PALM2AKAP2: variants seen among roughly 807,000 people sequenced by gnomAD.
PALM2AKAP2 encodes PALM2 and AKAP2 fusion, also known as PALM2-AKAP2 fusion protein.
PALM2AKAP2 carries 37 observed loss-of-function variants against 71.5 expected under a neutral mutation model. The ratio of observed to expected loss-of-function variants is 0.52; its 90% CI spans 0.40 to 0.68. The LOEUF is 0.68. PALM2AKAP2 is among the 30% of genes least tolerant of loss of function. The pLI is 0.00. For synonymous variants in PALM2AKAP2, 468 were observed against 478.8 expected, an observed-to-expected ratio of 0.98 and a Z score of 0.29; for missense variants, 1,224 against 1,191.8, an observed-to-expected ratio of 1.03 and a Z score of -0.40.
chr9:109,688,757 T>C lies in PALM2AKAP2; in HGVS notation c.5+47891T>C, dbSNP rs191523301. 3.4e-4 allele frequency among the ~76,000 whole-genome samples: 52 copies of C among 152,294 alleles called. No individual in the cohort carries two copies. In the East Asian group the frequency reaches 6.2e-3, roughly 18 times the overall value. On this transcript the variant is annotated intron_variant, in intron 1 of 6. Transcript: ENST00000374531. ...GAAAGTAGATGCTAACAAATAATTA[T>C]AGGTTGAATGAAAGGCAAATAAATG...
At chr9:109,958,915 C>A (rs989482020) in intron 6 of PALM2AKAP2, among the ~76,000 whole-genome samples, 1 of 152,190 alleles carries the variant, frequency 6.6e-6, no homozygotes, top group African/African-American at 2.4e-5. Context: ...GGGGGGAATA[C>A]CTGCCTGACC....
At chr9:109,795,661 G>A (rs896092308) in intron 1 of PALM2AKAP2, among the ~76,000 whole-genome samples, 1 of 152,170 alleles carries the variant, frequency 6.6e-6, no homozygotes, top group Non-Finnish European at 1.5e-5. Context: ...TCTTCCATGG[G>A]CAAGAGATGA....
At chr9:110,073,573 G>A (rs185445364) in intron 1 of PALM2AKAP2, among the ~76,000 whole-genome samples, 1 of 152,254 alleles carries the variant, frequency 6.6e-6, no homozygotes, top group East Asian at 1.9e-4. Flanking sequence ...CCAGCTCTGA[G>A]GATATATCTA....
chr9:109,758,312 A>G (rs1828997654), intron 1 of PALM2AKAP2, among the ~76,000 whole-genome samples: 1 of 152,082 alleles, frequency 6.6e-6, no homozygotes, highest in Admixed American at 6.6e-5. Flanking sequence ...ACAGTGAATA[A>G]TGTTGTTCTC....
chr9:109,736,820 T>C (rs1424452137), intron 1 of PALM2AKAP2, among the ~76,000 whole-genome samples: 1 of 152,160 alleles, frequency 6.6e-6, no homozygotes, highest in African/African-American at 2.4e-5. Flanking sequence ...TGTATTTGAC[T>C]GCCATTTTCT....
intron 1 of PALM2AKAP2, among the ~76,000 whole-genome samples, chr9:109,855,123 A>G (rs919490366): frequency 2.0e-5 from 3 of 151,256 alleles, no homozygotes; most frequent in Non-Finnish European, 4.4e-5. Context: ...CCCAGGCTGG[A>G]GTGCAGTGGC....
chr9:110,020,540 G>A (rs763520056), intron 7 of PALM2AKAP2, among the ~76,000 whole-genome samples: 3 of 151,882 alleles, frequency 2.0e-5, no homozygotes, highest in Non-Finnish European at 2.9e-5. Context: ...AAAATTACCC[G>A]GGCGTGGTGA....
chr9:109,679,716 T>C (rs562101056), intron 1 of PALM2AKAP2, among the ~76,000 whole-genome samples: 7 of 152,246 alleles, frequency 4.6e-5, no homozygotes, highest in African/African-American at 1.7e-4. Context: ...TCCATCACAA[T>C]TGGACCTGCG....
At chr9:109,864,758 A>G (rs1304512320) in intron 1 of PALM2AKAP2, among the ~76,000 whole-genome samples, 2 of 152,244 alleles carry the variant, frequency 1.3e-5, no homozygotes, top group Non-Finnish European at 2.9e-5. Context: ...CTTTTGTTTT[A>G]TAGGAAAAGT....
intron 6 of PALM2AKAP2, chr9:109,945,164 A>G (rs569861371): frequency 6.6e-6 from 1 of 152,278 alleles, no homozygotes; most frequent in African/African-American, 2.4e-5. Context: ...AGGTAAAAAC[A>G]TCAGTTTTTA....
At chr9:109,698,062 A>G (rs930432727) in intron 1 of PALM2AKAP2, among the ~76,000 whole-genome samples, 1 of 152,188 alleles carries the variant, frequency 6.6e-6, no homozygotes. Context: ...TTAGGGCTTC[A>G]ACACAGAAAG....
At chr9:109,865,004 T>C (rs1442276927) in intron 1 of PALM2AKAP2, among the ~76,000 whole-genome samples, 3 of 152,060 alleles carry the variant, frequency 2.0e-5, no homozygotes, top group Non-Finnish European at 4.4e-5. Context: ...TCATTGTCCC[T>C]GGAATATGCA....
intron 1 of PALM2AKAP2, among the ~76,000 whole-genome samples, chr9:109,864,901 T>C (rs563504344): frequency 6.6e-6 from 1 of 152,216 alleles, no homozygotes; most frequent in Non-Finnish European, 1.5e-5. Context: ...AATCTAAACT[T>C]CATGGCCCTC....
rs73539449 is a variant in PALM2AKAP2 at position 109,942,473 on chromosome 9, C to T, written c.496+10445C>T. 3.6e-3 allele frequency among the ~76,000 whole-genome samples: 546 copies of T among 152,200 alleles called. 4 individuals carry two copies. The highest frequency in any genetic ancestry group is 0.013 in the African/African-American group (524 of 41,514). On this transcript the variant is annotated intron_variant, in intron 6 of 9. Transcript: ENST00000302798. ...GTGAGTGCCATTGAGATATAGCAAC[C>T]GTGCATCTGTCTTCCAAGTGCATTA...
At chr9:109,736,513 C>T (rs76935571) in intron 1 of PALM2AKAP2, among the ~76,000 whole-genome samples, 6,490 of 152,156 alleles carry the variant, frequency 0.043, 189 homozygotes, top group Non-Finnish European at 0.053. Context: ...AAGGCCTTGA[C>T]GTAGAGCCAT....
At chr9:109,929,602 C>A (rs1393922886) in intron 5 of PALM2AKAP2, among the ~76,000 whole-genome samples, 1 of 152,088 alleles carries the variant, frequency 6.6e-6, no homozygotes, top group Non-Finnish European at 1.5e-5. Flanking sequence ...AGGTGGCTCA[C>A]GCCTGTAATC....
intron 2 of PALM2AKAP2, chr9:110,148,668 T>C (rs1167238882): frequency 6.6e-6 from 1 of 152,082 alleles, no homozygotes; most frequent in Non-Finnish European, 1.5e-5. Flanking sequence ...AGAAAGGAGG[T>C]CATTGAAGGA....
In PALM2AKAP2 at chr9:109,689,912, C is replaced by T. The variant is rs1827857336; in HGVS notation, c.5+49046C>T. On this transcript the variant is annotated intron_variant, in intron 1 of 6. Transcript: ENST00000374531. ...AGTTCACCACCCAACTGAATGACTC[C>T]CAGGGGAGGAGTAAGCTAGAAGTGG... Among the ~76,000 whole-genome samples the T allele has an allele frequency of 2.0e-5, 3 of 152,144 alleles. 1 individual carries two copies. The highest frequency in any genetic ancestry group is 2.1e-4 in the South Asian group (1 of 4,824).
At chr9:109,926,169 C>T (rs560557871) in intron 5 of PALM2AKAP2, among the ~76,000 whole-genome samples, 7 of 152,230 alleles carry the variant, frequency 4.6e-5, no homozygotes, top group Non-Finnish European at 7.4e-5. Context: ...TGGAAATATA[C>T]GGGGAAAGGT....
Sources: allele counts gnomAD v4.1 joint callset (sites outside exome capture counted in the v4.1 genomes callset), GRCh38; gene constraint gnomAD v4.1.1; transcripts MANE v1.5; gene names NCBI Gene and HGNC (gene_info 2026-07-23, HGNC 2026-07-21).